Variants in CFAP299 observed in about 807,000 individuals in gnomAD.
CFAP299 encodes the protein cilia- and flagella-associated protein 299.
In CFAP299, 21 loss-of-function variants were observed where a neutral mutation model predicts 27.0. That is an observed-to-expected ratio of 0.78 (90% CI 0.55 to 1.12). The LOEUF (loss-of-function observed/expected upper bound fraction) is 1.12, where lower values mean the gene tolerates loss of function less well. Among genes scored for constraint, CFAP299 ranks in the 50% most tolerant of loss-of-function variants. The pLI is 0.00. For synonymous variants in CFAP299, 104 were observed against 98.1 expected, an observed-to-expected ratio of 1.06 and a Z score of -0.36; for missense variants, 310 against 276.6, an observed-to-expected ratio of 1.12 and a Z score of -0.86.
intron 3 of CFAP299, among the ~76,000 whole-genome samples, chr4:80,637,892 C>A (rs1477305249): frequency 6.6e-6 from 1 of 152,200 alleles, no homozygotes; most frequent in African/African-American, 2.4e-5. Flanking sequence ...TCAGTACAAT[C>A]TCTGTATTTC....
the CFAP299 span, among the ~76,000 whole-genome samples, chr4:80,327,817 T>C: frequency 7.2e-6 from 1 of 137,944 alleles, no homozygotes; most frequent in Non-Finnish European, 1.6e-5. Context: ...GGTTATAAAT[T>C]AGAAGAGGTG....
intron 3 of CFAP299, among the ~76,000 whole-genome samples, chr4:80,691,389 A>C (rs1160871255): frequency 6.9e-6 from 1 of 145,396 alleles, no homozygotes; most frequent in Admixed American, 6.9e-5. Flanking sequence ...CTGGTTCAAT[A>C]TATGCAAATC....
chr4:80,379,299 G>A (rs970755326), intron 2 of CFAP299, among the ~76,000 whole-genome samples: 41 of 151,754 alleles, frequency 2.7e-4, no homozygotes, highest in African/African-American at 9.4e-4. Flanking sequence ...TCTGATATTA[G>A]TAGGTCATTT....
At chr4:80,926,819 T>C in intron 4 of CFAP299, among the ~76,000 whole-genome samples, 1 of 152,054 alleles carries the variant, frequency 6.6e-6, no homozygotes, top group East Asian at 1.9e-4. Context: ...AAGGCAATGG[T>C]CTCACTTGCA....
At chr4:80,894,922 C>A (rs72661736) in intron 4 of CFAP299, among the ~76,000 whole-genome samples, 74 of 151,906 alleles carry the variant, frequency 4.9e-4, no homozygotes, top group Non-Finnish European at 6.8e-4. Context: ...AAGAAAAATA[C>A]TGTATGGTCC....
At chr4:80,752,104 G>T (rs899625922) in intron 3 of CFAP299, among the ~76,000 whole-genome samples, 1 of 152,070 alleles carries the variant, frequency 6.6e-6, no homozygotes, top group African/African-American at 2.4e-5. Context: ...GAGAAGCATG[G>T]TTTCAATCAC....
intron 4 of CFAP299, among the ~76,000 whole-genome samples, chr4:80,913,292 G>A (rs1735572465): frequency 6.6e-6 from 1 of 152,158 alleles, no homozygotes; most frequent in Non-Finnish European, 1.5e-5. Context: ...GGAGAAGTAG[G>A]AAAAATACTA....
At chr4:80,642,310 T>C (rs541757129) in intron 3 of CFAP299, among the ~76,000 whole-genome samples, 1 of 152,310 alleles carries the variant, frequency 6.6e-6, no homozygotes, top group African/African-American at 2.4e-5. Flanking sequence ...TCCTGGTTGT[T>C]ATGGAAATGA....
At chr4:80,821,246 A>G (rs895363404) in intron 3 of CFAP299, among the ~76,000 whole-genome samples, 1 of 152,362 alleles carries the variant, frequency 6.6e-6, no homozygotes, top group Non-Finnish European at 1.5e-5. Flanking sequence ...TTAGAAATTC[A>G]TCACAGAACA....
Position 80,479,912 on chromosome 4 carries a change from C to T in CFAP299, c.243-103181C>T, listed in dbSNP as rs892205769. Among the ~76,000 whole-genome samples the T allele has an allele frequency of 3.9e-5, 6 of 152,058 alleles. No individual in the cohort carries two copies. In the East Asian group the frequency reaches 5.8e-4, roughly 15 times the overall value. ...TCTTAAGAGACCAAGTGACAAAAAG[C>T]TCACAGCCTATTACCATAAAGCTAA... On this transcript the variant is annotated intron_variant, in intron 2 of 5. Transcript: ENST00000358105.
At chr4:80,572,369 C>T (rs573682817) in intron 2 of CFAP299, among the ~76,000 whole-genome samples, 64 of 151,980 alleles carry the variant, frequency 4.2e-4, no homozygotes, top group African/African-American at 1.5e-3. Flanking sequence ...TCTCTATCAT[C>T]GTGAATTCAA....
chr4:80,395,017 T>C lies in CFAP299; in HGVS notation c.242+32133T>C, dbSNP rs1725703428. 2.6e-5 allele frequency among the ~76,000 whole-genome samples: 4 copies of C among 152,056 alleles called. No individual in the cohort carries two copies. The South Asian group carries it at 8.3e-4, about 32-fold the overall frequency. On this transcript the variant is annotated intron_variant, in intron 2 of 5. Transcript: ENST00000358105. ...AGAATTTGTGGATTAAGTTGGAAAA[T>C]ATGCACATTTTTGACAATATTAATT...
chr4:80,707,684 G>A (rs1721901265), intron 3 of CFAP299, among the ~76,000 whole-genome samples: 1 of 151,962 alleles, frequency 6.6e-6, no homozygotes, highest in South Asian at 2.1e-4. Flanking sequence ...CAAGTATTTT[G>A]TTATTTCATA....
intron 2 of CFAP299, among the ~76,000 whole-genome samples, chr4:80,403,240 G>C (rs1726250087): frequency 6.6e-6 from 1 of 152,106 alleles, no homozygotes; most frequent in Non-Finnish European, 1.5e-5. Context: ...AGTAGTCTTG[G>C]AGAAGCTCAC....
intron 3 of CFAP299, among the ~76,000 whole-genome samples, chr4:80,652,296 A>G (rs1740341547): frequency 6.6e-6 from 1 of 152,278 alleles, no homozygotes; most frequent in South Asian, 2.1e-4. Flanking sequence ...CAAGTTAAAA[A>G]TTTTTATGAA....
At chr4:80,829,724 C>T (rs760912414) in intron 3 of CFAP299, among the ~76,000 whole-genome samples, 2 of 152,006 alleles carry the variant, frequency 1.3e-5, no homozygotes, top group Non-Finnish European at 2.9e-5. Context: ...ACGGTATATA[C>T]ATACAATGGA....
intron 3 of CFAP299, among the ~76,000 whole-genome samples, chr4:80,694,199 G>T (rs765687100): frequency 6.6e-6 from 1 of 152,110 alleles, no homozygotes; most frequent in South Asian, 2.1e-4. Context: ...ATGAAGCTTT[G>T]TATTTTTTCA....
intron 2 of CFAP299, among the ~76,000 whole-genome samples, chr4:80,440,580 T>A (rs949206884): frequency 6.6e-6 from 1 of 151,856 alleles, no homozygotes; most frequent in Non-Finnish European, 1.5e-5. Flanking sequence ...ACAGAAGATT[T>A]AAAAAAAACA....
chr4:80,581,412 G>T (rs1308371301), intron 2 of CFAP299, among the ~76,000 whole-genome samples: 4 of 128,210 alleles, frequency 3.1e-5, no homozygotes, highest in South Asian at 2.6e-4. Context: ...GTATATTTAG[G>T]TTTTTTATTA....
Sources: allele counts gnomAD v4.1 joint callset (sites outside exome capture counted in the v4.1 genomes callset), GRCh38; gene constraint gnomAD v4.1.1; transcripts MANE v1.5; gene names NCBI Gene and HGNC (gene_info 2026-07-23, HGNC 2026-07-21).